The following SEPTIN10 variants were observed in gnomAD, a reference collection of about 807,000 sequenced individuals.
SEPTIN10 encodes septin-10.
SEPTIN10 carries 66 observed loss-of-function variants against 54.8 expected under a neutral mutation model. That is an observed-to-expected ratio of 1.21 (90% CI 0.99 to 1.48). SEPTIN10 has a LOEUF of 1.48. Among genes scored for constraint, SEPTIN10 ranks in the 40% most tolerant of loss-of-function variants. The probability of loss-of-function intolerance (pLI) is 0.00; values close to 1 mark genes in which losing one functional copy is unlikely to be tolerated. For synonymous variants in SEPTIN10, 161 were observed against 181.0 expected, an observed-to-expected ratio of 0.89 and a Z score of 0.89; for missense variants, 620 against 545.6, an observed-to-expected ratio of 1.14 and a Z score of -1.36.
Position 109,553,087 on chromosome 2 carries a change from C to A in SEPTIN10, c.1161G>T (p.Glu387Asp). Residue 387 changes from glutamate to aspartate, a missense_variant and splice_region_variant, in exon 9 of 11, where the codon GAG (glutamate) becomes GAT (aspartate). Physicochemically the swap from Glu to Asp is conservative, Grantham distance 45 (BLOSUM62 2). Transcript: ENST00000397712. ...AATCACATCAAACCAGCATACTTGC[C>A]TCTCTCTCAGCTTCTTTCAATATGG... ...KEAILKEAER[E>D]LQAKFEHLKR... is the part of the protein sequence containing the mutation. The A allele has an allele frequency of 6.2e-7, 1 of 1,610,002 alleles. No individual in the cohort carries two copies. The highest frequency in any genetic ancestry group is 1.3e-5 in the African/African-American group (1 of 74,770).
intron 9 of SEPTIN10, among the ~76,000 whole-genome samples, chr2:109,550,106 C>T (rs1262741977): frequency 6.6e-6 from 1 of 151,668 alleles, no homozygotes; most frequent in Non-Finnish European, 1.5e-5. Context: ...GCCTGACCAA[C>T]ATGGAGAAAC....
intron 5 of SEPTIN10, among the ~76,000 whole-genome samples, chr2:109,571,804 T>G (rs899292921): frequency 6.6e-6 from 1 of 152,196 alleles, no homozygotes; most frequent in African/African-American, 2.4e-5. Context: ...TGGTTCAAGG[T>G]GGACTGCCTC....
intron 2 of SEPTIN10, among the ~76,000 whole-genome samples, chr2:109,590,614 T>A (rs891973682): frequency 1.3e-5 from 2 of 152,070 alleles, no homozygotes; most frequent in African/African-American, 4.8e-5. Context: ...GTATTTTTAG[T>A]AGAGACAAGG....
At chr2:109,585,370 G>A in intron 3 of SEPTIN10, 49 bp from the exon 4 acceptor site, 1 of 1,421,868 alleles carries the variant, frequency 7.0e-7, no homozygotes. Flanking sequence ...TGGCTGAAAA[G>A]AAATACAACT....
intron 1 of SEPTIN10, chr2:109,613,575 C>T: frequency 3.8e-6 from 1 of 262,364 alleles, no homozygotes; most frequent in East Asian, 8.1e-5. Context: ...GCTGGCGCCG[C>T]GCCCCGCGAA....
In SEPTIN10 at chr2:109,570,175, T is replaced by G. The variant is rs138817026; in HGVS notation, c.601-2199A>C. On this transcript the variant is annotated intron_variant, in intron 5 of 10. Coordinates refer to ENST00000397712, the MANE Select transcript of SEPTIN10 (RefSeq NM_144710.5). ...TAGAAAGCTAAAGGCAGGATTTTGA[T>G]AAGGCAGTCCCAATTTTAGAATTTG... Among the ~76,000 whole-genome samples, 723 of 152,342 alleles carry G rather than the reference T, an allele frequency of 4.7e-3. 2 individuals are homozygous for G. Among genetic ancestry groups the G allele is most frequent in the Middle Eastern group, 0.017 (5 of 294 alleles).
intron 1 of SEPTIN10, among the ~76,000 whole-genome samples, chr2:109,595,978 A>G (rs1405817362): frequency 6.6e-6 from 1 of 152,184 alleles, no homozygotes; most frequent in Non-Finnish European, 1.5e-5. Context: ...CACAACACAT[A>G]TAATTCACTG....
intron 1 of SEPTIN10, among the ~76,000 whole-genome samples, chr2:109,603,304 G>C (rs966034301): frequency 6.6e-6 from 1 of 151,326 alleles, no homozygotes; most frequent in South Asian, 2.1e-4. Context: ...GCGCAATCTC[G>C]GCTCACTGCA....
chr2:109,599,873 C>A (rs906993875), intron 1 of SEPTIN10, among the ~76,000 whole-genome samples: 2 of 152,172 alleles, frequency 1.3e-5, no homozygotes, highest in Non-Finnish European at 2.9e-5. Flanking sequence ...CTAATTTGTG[C>A]TGTTTCAGTA....
intron 3 of SEPTIN10, 135 bp from the exon 4 acceptor site, chr2:109,585,456 G>A (rs1339904828): frequency 5.3e-6 from 4 of 749,044 alleles, no homozygotes; most frequent in East Asian, 5.3e-5. Context: ...TACACACTAC[G>A]GCTGGTCCCC....
At chr2:109,589,405 G>A (rs1426812037) in intron 2 of SEPTIN10, among the ~76,000 whole-genome samples, 1 of 152,044 alleles carries the variant, frequency 6.6e-6, no homozygotes, top group African/African-American at 2.4e-5. Flanking sequence ...GGTGGTGCAT[G>A]CCTGTAGTCC....
intron 8 of SEPTIN10, among the ~76,000 whole-genome samples, chr2:109,562,409 C>T (rs2105094456): frequency 6.6e-6 from 1 of 150,894 alleles, no homozygotes; most frequent in Non-Finnish European, 1.5e-5. Context: ...TAGGGGTCCT[C>T]CTCCCACCCC....
chr2:109,601,938 C>T (rs772118760), intron 1 of SEPTIN10, among the ~76,000 whole-genome samples: 44 of 152,146 alleles, frequency 2.9e-4, no homozygotes, highest in Non-Finnish European at 5.4e-4. Flanking sequence ...TATATTCAGT[C>T]CGTCATATGG....
intron 1 of SEPTIN10, among the ~76,000 whole-genome samples, chr2:109,593,655 C>T (rs564921943): frequency 1.3e-5 from 2 of 152,072 alleles, no homozygotes; most frequent in Non-Finnish European, 2.9e-5. Context: ...TGGCCTGCCT[C>T]GGCCTCCCAG....
chr2:109,550,353 C>T (rs1470684063), intron 9 of SEPTIN10, among the ~76,000 whole-genome samples: 1 of 151,230 alleles, frequency 6.6e-6, no homozygotes, highest in African/African-American at 2.4e-5. Flanking sequence ...CGCTCTGTTG[C>T]CCAGGCTGGA....
Position 109,544,145 on chromosome 2 carries a change from G to C in SEPTIN10, c.*164C>G. 6 of 1,545,836 alleles carry C rather than the reference G, an allele frequency of 3.9e-6. No homozygotes were observed. The Middle Eastern group carries it at 1.2e-3, about 307-fold the overall frequency. ...TATCATTCACTCTGGCTTATGTATTGACCTTGTACTTGAAAGTACTTTTCC... is the reference window on the plus strand; with the variant it reads ...TATCATTCACTCTGGCTTATGTATTCACCTTGTACTTGAAAGTACTTTTCC... On this transcript the variant is annotated 3_prime_UTR_variant, in exon 11 of 11. Transcript: ENST00000397712.
intron 9 of SEPTIN10, among the ~76,000 whole-genome samples, chr2:109,546,546 A>G (rs1474763903): frequency 3.9e-5 from 6 of 152,124 alleles, no homozygotes; most frequent in Admixed American, 3.3e-4. Context: ...AAAACTTCTT[A>G]AAGTCTCTCA....
intron 1 of SEPTIN10, among the ~76,000 whole-genome samples, chr2:109,606,981 T>C (rs535391794): frequency 5.1e-4 from 77 of 152,330 alleles, no homozygotes; most frequent in African/African-American, 1.6e-3. Flanking sequence ...TAGTGAAGAA[T>C]TGAAAGGCTT....
rs551172433 is a variant in SEPTIN10, at chr2:109,589,954, A to C, written c.99+3097T>G. On this transcript the variant is annotated intron_variant, in intron 2 of 10. Coordinates refer to ENST00000397712, the MANE Select transcript of SEPTIN10 (RefSeq NM_144710.5). ...TAGCTAGGTATCCCAATAGTGATTT[A>C]TTTACTGAGGTCAGAGTTTTTAAAA... Among the ~76,000 whole-genome samples, 4 of 152,036 alleles carry C rather than the reference A, an allele frequency of 2.6e-5. 1 individual carries two copies. Among genetic ancestry groups the C allele is most frequent in the African/African-American group, 9.6e-5 (4 of 41,482 alleles).
Sources: gnomAD v4.1 joint callset for allele counts (sites outside exome capture counted in the v4.1 genomes callset) on GRCh38, gnomAD v4.1.1 for gene constraint, MANE v1.5 for transcripts, NCBI Gene and HGNC (gene_info 2026-07-23, HGNC 2026-07-21) for gene names.